VSNL1: variants seen among roughly 807,000 people sequenced by gnomAD.
VSNL1 encodes visinin like 1.
A neutral mutation model predicts 20.4 loss-of-function variants in VSNL1; 6 were observed. The ratio of observed to expected loss-of-function variants is 0.29; its 90% CI spans 0.16 to 0.58. The LOEUF (loss-of-function observed/expected upper bound fraction) is 0.58. Ranked by LOEUF, VSNL1 falls within the 20% of genes least tolerant of loss-of-function variation. VSNL1 has a pLI of 0.90. For synonymous variants in VSNL1, 93 were observed against 86.4 expected (o/e 1.08, Z -0.42); for missense variants, 100 against 234.5 (o/e 0.43, Z 3.75).
chr2:17,614,696 C>CCTT (rs1665175028), intron 2 of VSNL1, among the ~76,000 whole-genome samples: 1 of 152,204 alleles, frequency 6.6e-6, no homozygotes, highest in Non-Finnish European at 1.5e-5. Flanking sequence ...CTGCATTATG[C>CCTT]CTTTCCTAAG....
chr2:17,576,210 T>C (rs1419191526), intron 1 of VSNL1, among the ~76,000 whole-genome samples: 1 of 152,242 alleles, frequency 6.6e-6, no homozygotes, highest in East Asian at 1.9e-4. Context: ...ATCTCTGCTT[T>C]CTCCACTTAG....
rs116668645 is a variant in VSNL1 at position 17,645,310 on chromosome 2, C to T, written c.163-4100C>T. On this transcript the variant is annotated intron_variant, in intron 2 of 3. Coordinates refer to ENST00000295156, the MANE Select transcript of VSNL1 (RefSeq NM_003385.5). ...AAGGCCTTGCTTGTGCCCACCCCAC[C>T]CCCACCCAAAGGTTGGGCTGGAGAA... 7.5e-3 allele frequency among the ~76,000 whole-genome samples: 1,136 copies of T among 152,364 alleles called. 10 individuals carry two copies. Among genetic ancestry groups the T allele is most frequent in the African/African-American group, 0.026 (1,068 of 41,584 alleles).
intron 1 of VSNL1, among the ~76,000 whole-genome samples, chr2:17,558,075 T>A (rs1663730869): frequency 1.3e-5 from 2 of 152,040 alleles, no homozygotes. Context: ...AGACTAGGAA[T>A]TAGATAGACA....
intron 1 of VSNL1, among the ~76,000 whole-genome samples, chr2:17,552,716 C>A (rs969165937): frequency 6.6e-6 from 1 of 152,106 alleles, no homozygotes; most frequent in Non-Finnish European, 1.5e-5. Context: ...GTGTTCAAAT[C>A]TCCTAAGTAT....
intron 2 of VSNL1, among the ~76,000 whole-genome samples, chr2:17,624,406 C>T (rs765236622): frequency 6.6e-6 from 1 of 152,188 alleles, no homozygotes; most frequent in Non-Finnish European, 1.5e-5. Context: ...TATACATGTC[C>T]TAACCCCTAG....
chr2:17,545,006 A>T (rs928922289), intron 1 of VSNL1, among the ~76,000 whole-genome samples: 5 of 152,122 alleles, frequency 3.3e-5, no homozygotes, highest in African/African-American at 1.2e-4. Flanking sequence ...TCTTCAGGAA[A>T]TTTTTTTATC....
chr2:17,630,806 G>T (rs1665612237), intron 2 of VSNL1, among the ~76,000 whole-genome samples: 1 of 151,964 alleles, frequency 6.6e-6, no homozygotes, highest in Non-Finnish European at 1.5e-5. Context: ...TTTCAAGACA[G>T]AGCCTTGCTC....
chr2:17,574,276 C>T (rs1276698414), intron 1 of VSNL1, among the ~76,000 whole-genome samples: 2 of 151,916 alleles, frequency 1.3e-5, no homozygotes, highest in Non-Finnish European at 2.9e-5. Context: ...TTTTTCTCTA[C>T]CCCTGAGAAT....
chr2:17,648,997 C>T (rs1033934598), intron 2 of VSNL1, among the ~76,000 whole-genome samples: 1 of 152,134 alleles, frequency 6.6e-6, no homozygotes, highest in Non-Finnish European at 1.5e-5. Flanking sequence ...TACTGGGCAG[C>T]GATGAAGCCA....
intron 2 of VSNL1, among the ~76,000 whole-genome samples, chr2:17,628,306 G>C (rs959539262): frequency 1.3e-5 from 2 of 152,214 alleles, no homozygotes; most frequent in Non-Finnish European, 2.9e-5. Flanking sequence ...AGGCAGAGGA[G>C]TGTGAAGAAT....
At chr2:17,577,726 G>C (rs1352399274) in intron 1 of VSNL1, among the ~76,000 whole-genome samples, 1 of 152,192 alleles carries the variant, frequency 6.6e-6, no homozygotes, top group African/African-American at 2.4e-5. Flanking sequence ...GGGGACCCCA[G>C]AGTTCCCTCA....
intron 1 of VSNL1, among the ~76,000 whole-genome samples, chr2:17,571,128 G>A (rs1372976748): frequency 6.6e-6 from 1 of 152,122 alleles, no homozygotes. Context: ...TAAAATAGGA[G>A]GGAAAGAAAT....
chr2:17,619,576 G>T (rs1665304738), intron 2 of VSNL1, among the ~76,000 whole-genome samples: 1 of 152,100 alleles, frequency 6.6e-6, no homozygotes, highest in Non-Finnish European at 1.5e-5. Context: ...TTGGGCACTG[G>T]ACCTCAACTT....
chr2:17,647,034 G>A (rs1036913259), intron 2 of VSNL1, among the ~76,000 whole-genome samples: 3 of 152,188 alleles, frequency 2.0e-5, no homozygotes, highest in African/African-American at 7.2e-5. Flanking sequence ...CACACACTCA[G>A]TTCTAAAGTA....
intron 2 of VSNL1, among the ~76,000 whole-genome samples, chr2:17,593,460 A>T (rs1664640945): frequency 1.3e-5 from 2 of 152,370 alleles, no homozygotes; most frequent in Admixed American, 1.3e-4. Context: ...CAATAAATGC[A>T]ATAAAATCAT....
intron 2 of VSNL1, among the ~76,000 whole-genome samples, chr2:17,632,448 G>C (rs1665656226): frequency 6.6e-6 from 1 of 152,022 alleles, no homozygotes; most frequent in Admixed American, 6.6e-5. Context: ...TTACAGGCAT[G>C]CATCACCACA....
intron 1 of VSNL1, among the ~76,000 whole-genome samples, chr2:17,543,919 A>G (rs1313126002): frequency 6.6e-6 from 1 of 152,104 alleles, no homozygotes; most frequent in African/African-American, 2.4e-5. Context: ...TGCCTATACA[A>G]TAACATTCTA....
chr2:17,605,556 G>A (rs920426078), intron 2 of VSNL1, among the ~76,000 whole-genome samples: 5 of 152,216 alleles, frequency 3.3e-5, no homozygotes, highest in Admixed American at 2.6e-4. Context: ...GTATTACACT[G>A]ATGCAAGAGA....
At chr2:17,600,672 G>C (rs1052610942) in intron 2 of VSNL1, among the ~76,000 whole-genome samples, 5 of 152,140 alleles carry the variant, frequency 3.3e-5, no homozygotes, top group Non-Finnish European at 7.4e-5. Flanking sequence ...TATATAGAAG[G>C]GTTTTAATTC....
Sources: gnomAD v4.1 joint callset for allele counts (sites outside exome capture counted in the v4.1 genomes callset) on GRCh38, gnomAD v4.1.1 for gene constraint, MANE v1.5 for transcripts, NCBI Gene and HGNC (gene_info 2026-07-23, HGNC 2026-07-21) for gene names.